The following MRTFA variants were observed in gnomAD, a reference collection of about 807,000 sequenced individuals.
The protein encoded by MRTFA is myocardin-related transcription factor A.
A neutral mutation model predicts 83.5 loss-of-function variants in MRTFA; 20 were observed. The observed-to-expected ratio is 0.24, with a 90% CI of 0.17 to 0.35. The LOEUF is 0.35. Ranked by LOEUF, MRTFA falls within the 10% of genes least tolerant of loss-of-function variation. The pLI, the probability that MRTFA is intolerant of heterozygous loss-of-function variation, is 1.00. For missense variants in MRTFA, 1,200 were observed against 1,224.7 expected, an observed-to-expected ratio of 0.98 and a Z score of 0.30; for synonymous variants, 659 against 541.2, an observed-to-expected ratio of 1.22 and a Z score of -3.02.
rs2052555301 is a variant in MRTFA at position 40,411,923 on chromosome 22, G to A, written c.2579-16C>T. The A allele has an allele frequency of 6.8e-7, 1 of 1,476,616 alleles. No homozygotes were observed. The highest frequency in any genetic ancestry group is 9.0e-7 in the Non-Finnish European group (1 of 1,112,122). The allele number at this position is 1,476,616 out of a possible 1,614,324, so 91.5% of individuals were successfully genotyped here. Reference sequence around the variant, plus strand: ...GCTGAAATTTCTGCCAATCAATCAAGAGAGTAAATGGATATCAGAAGCCAA... The same window carrying A: ...GCTGAAATTTCTGCCAATCAATCAAAAGAGTAAATGGATATCAGAAGCCAA... On this transcript the variant is annotated splice_polypyrimidine_tract_variant and intron_variant, in intron 14 of 14. Transcript: ENST00000355630.
intron 4 of MRTFA, among the ~76,000 whole-genome samples, chr22:40,436,871 A>T (rs1476323032): frequency 8.5e-5 from 13 of 152,194 alleles, no homozygotes. Context: ...AGCTGCTAAA[A>T]GTAGCAAGAG....
intron 2 of MRTFA, among the ~76,000 whole-genome samples, chr22:40,582,893 G>A (rs893466935): frequency 6.6e-6 from 1 of 152,154 alleles, no homozygotes; most frequent in Non-Finnish European, 1.5e-5. Flanking sequence ...TGAAAAAAAG[G>A]CTGATGGCAA....
At chr22:40,436,499 C>T (rs1029970112) in intron 4 of MRTFA, among the ~76,000 whole-genome samples, 2 of 152,154 alleles carry the variant, frequency 1.3e-5, no homozygotes, top group South Asian at 2.1e-4. Context: ...ACAGCTGAGA[C>T]GAAGGGCTCA....
At chr22:40,543,257 T>G (rs1350939880) in intron 3 of MRTFA, among the ~76,000 whole-genome samples, 3 of 152,160 alleles carry the variant, frequency 2.0e-5, no homozygotes, top group Admixed American at 6.5e-5. Context: ...AACTGCCCAC[T>G]CAAAATTTTT....
At chr22:40,539,076 C>A (rs1569318823) in intron 3 of MRTFA, among the ~76,000 whole-genome samples, 3 of 146,992 alleles carry the variant, frequency 2.0e-5, no homozygotes, top group Non-Finnish European at 1.5e-5. Context: ...CTCACTGCAA[C>A]CTCCGCCTCC....
At chr22:40,501,940 C>T (rs1393026255) in intron 3 of MRTFA, among the ~76,000 whole-genome samples, 4 of 100,890 alleles carry the variant, frequency 4.0e-5, no homozygotes, top group Non-Finnish European at 6.0e-5. Context: ...TGGGCAGAGG[C>T]GCCCCTCACC....
chr22:40,423,021 C>G (rs2052874590), intron 9 of MRTFA, among the ~76,000 whole-genome samples: 1 of 152,160 alleles, frequency 6.6e-6, no homozygotes, highest in Non-Finnish European at 1.5e-5. Flanking sequence ...TGCATGAGCT[C>G]TTGGTGCAGC....
intron 2 of MRTFA, among the ~76,000 whole-genome samples, chr22:40,591,240 C>T (rs1252363524): frequency 6.6e-6 from 1 of 151,272 alleles, no homozygotes; most frequent in Non-Finnish European, 1.5e-5. Context: ...TAACAACTTT[C>T]CACTCCGGCC....
chr22:40,507,946 G>T (rs1184383673), intron 3 of MRTFA, among the ~76,000 whole-genome samples: 1 of 105,592 alleles, frequency 9.5e-6, no homozygotes, highest in African/African-American at 3.8e-5. Flanking sequence ...CTGGGAAACA[G>T]AGCAAGAGAG....
chr22:40,464,635 A>C (rs1892229981), intron 3 of MRTFA, among the ~76,000 whole-genome samples: 1 of 152,104 alleles, frequency 6.6e-6, no homozygotes, highest in Non-Finnish European at 1.5e-5. Context: ...GTCACATCTG[A>C]GAGGAACCAG....
intron 3 of MRTFA, chr22:40,519,621 C>A: frequency 2.3e-6 from 3 of 1,291,998 alleles, no homozygotes; most frequent in Non-Finnish European, 2.0e-6. Context: ...TTCTGTTGTA[C>A]ATAAAAGCAA....
In MRTFA at chr22:40,464,309, G is replaced by GAA. The variant is rs398040500; in HGVS notation, c.242-1025_242-1024dup. 9.2e-3 allele frequency among the ~76,000 whole-genome samples: 516 copies of GAA among 56,158 alleles called. 8 individuals carry two copies. Among genetic ancestry groups the GAA allele is most frequent in the Middle Eastern group, 0.02 (2 of 100 alleles). 36.8% of individuals were successfully genotyped at this position (56,158 alleles called of 152,430 possible). On this transcript the variant is annotated intron_variant, in intron 3 of 14. Transcript: ENST00000355630. ...TAACGAGAGTGAGATGCTGTCTCAG[G>GAA]AAAAAAAAAAAAAAAAAAAAAAACA...
Position 40,418,886 on chromosome 22 carries a change from G to A in MRTFA, c.1852C>T (p.Leu618=). The A allele has an allele frequency of 6.2e-7, 1 of 1,612,610 alleles. No homozygotes were observed. Among genetic ancestry groups the A allele is most frequent in the Non-Finnish European group, 8.5e-7 (1 of 1,179,836 alleles). Residue 618 remains leucine, a synonymous_variant, in exon 12 of 15, where the codon CTA becomes TTA. Coordinates refer to ENST00000355630, the MANE Select transcript of MRTFA (RefSeq NM_020831.6). ...ATCTGGTCCTTGTCGCGCCCCTCTA[G>A]CTCCGCCCGCCCCCCAGGGCTCAGG...
chr22:40,594,258 G>C (rs1186366964), intron 2 of MRTFA, among the ~76,000 whole-genome samples: 1 of 152,124 alleles, frequency 6.6e-6, no homozygotes, highest in Non-Finnish European at 1.5e-5. Context: ...ATTCACACAG[G>C]CTACTGATTT....
At position 40,594,711 on chromosome 22, in the gene MRTFA, C is replaced by T. The variant is rs1042092921; in HGVS notation, c.-59G>A. On this transcript the variant is annotated 5_prime_UTR_variant, in exon 2 of 15. Coordinates refer to ENST00000355630, the MANE Select transcript of MRTFA (RefSeq NM_020831.6). ...TCCCACAGACAGATGAAATTCAATT[C>T]CATGCCAACCATACCCTCCGATCAC... 6.6e-6 allele frequency: 1 copy of T among 152,038 alleles called. No individual in the cohort carries two copies. Among genetic ancestry groups the T allele is most frequent in the Non-Finnish European group, 1.5e-5 (1 of 67,996 alleles). The allele number at this position is 152,038 out of a possible 1,614,324, so 9.4% of individuals were successfully genotyped here. A position where few individuals can be genotyped will look rare whatever the true frequency, so the allele number is the denominator to read the frequency against.
rs769931431 is a variant in MRTFA at position 40,423,682 on chromosome 22, C to G, written c.781G>C (p.Val261Leu). Residue 261 changes from valine to leucine, a missense_variant, in exon 9 of 15, where the codon GTG becomes CTG. Transcript: ENST00000355630. ...TCCCGGCCCATCGGAAGTTGAGACA[C>G]AACCTGAGAGGGAAAAAGGGAAGTG... 6 of 1,558,420 alleles carry G rather than the reference C, an allele frequency of 3.9e-6. No individual in the cohort carries two copies. The highest frequency in any genetic ancestry group is 5.2e-6 in the Non-Finnish European group (6 of 1,149,738).
intron 3 of MRTFA, among the ~76,000 whole-genome samples, chr22:40,549,011 G>C (rs768959569): frequency 2.6e-5 from 4 of 151,990 alleles, no homozygotes; most frequent in Admixed American, 6.6e-5. Flanking sequence ...ATAAAACAAA[G>C]TAATGGATAG....
chr22:40,452,034 A>G (rs1222308923), intron 4 of MRTFA, among the ~76,000 whole-genome samples: 1 of 118,926 alleles, frequency 8.4e-6, no homozygotes. Flanking sequence ...CCAAGGCTGG[A>G]GTGCAGTGGT....
At chr22:40,445,709 C>T (rs979659270) in intron 4 of MRTFA, among the ~76,000 whole-genome samples, 1 of 152,036 alleles carries the variant, frequency 6.6e-6, no homozygotes, top group Non-Finnish European at 1.5e-5. Flanking sequence ...CCACCATGCC[C>T]GGCTAATTTT....
Sources: gnomAD v4.1 joint callset for allele counts (sites outside exome capture counted in the v4.1 genomes callset) on GRCh38, gnomAD v4.1.1 for gene constraint, MANE v1.5 for transcripts, NCBI Gene and HGNC (gene_info 2026-07-23, HGNC 2026-07-21) for gene names.